XYLT1: variants seen among roughly 807,000 people sequenced by gnomAD.
XYLT1 encodes the protein beta-D-xylosyltransferase 1.
A neutral mutation model predicts 91.3 loss-of-function variants in XYLT1; 36 were observed. The ratio of observed to expected loss-of-function variants is 0.39; its 90% confidence interval spans 0.30 to 0.52. The LOEUF (loss-of-function observed/expected upper bound fraction) is 0.52, where lower values mean the gene tolerates loss of function less well. Ranked by LOEUF, XYLT1 falls within the 20% of genes least tolerant of loss-of-function variation. XYLT1 has a pLI of 0.68. For missense variants in XYLT1, 1,242 were observed against 1,284.5 expected, an observed-to-expected ratio of 0.97 and a Z score of 0.51; for synonymous variants, 588 against 532.0, an observed-to-expected ratio of 1.11 and a Z score of -1.45.
intron 1 of XYLT1, among the ~76,000 whole-genome samples, chr16:17,440,934 G>A (rs141241463): frequency 6.6e-5 from 10 of 152,136 alleles, no homozygotes; most frequent in East Asian, 1.9e-4. Flanking sequence ...GCATGGTACC[G>A]ACCCTCATCT....
intron 10 of XYLT1, among the ~76,000 whole-genome samples, chr16:17,118,689 A>T (rs927828410): frequency 6.6e-6 from 1 of 151,918 alleles, no homozygotes; most frequent in Non-Finnish European, 1.5e-5. Flanking sequence ...GCCACCTGCA[A>T]TTTCTTCTAT....
intron 5 of XYLT1, among the ~76,000 whole-genome samples, chr16:17,167,817 G>A (rs752658329): frequency 2.6e-4 from 40 of 151,726 alleles, no homozygotes; most frequent in Non-Finnish European, 4.6e-4. Context: ...TCCATCTCAT[G>A]CATGGATTCT....
At chr16:17,156,476 C>T (rs149510539) in intron 6 of XYLT1, among the ~76,000 whole-genome samples, 1 of 152,356 alleles carries the variant, frequency 6.6e-6, no homozygotes, top group African/African-American at 2.4e-5. Context: ...CAATTAACCA[C>T]CTCCATGGAA....
intron 2 of XYLT1, among the ~76,000 whole-genome samples, chr16:17,320,149 T>C (rs1208036442): frequency 6.6e-6 from 1 of 152,238 alleles, no homozygotes; most frequent in Non-Finnish European, 1.5e-5. Context: ...GATATATGTA[T>C]TGTTTGTTTC....
At chr16:17,338,897 C>A (rs1043695717) in intron 2 of XYLT1, among the ~76,000 whole-genome samples, 8 of 152,178 alleles carry the variant, frequency 5.3e-5, no homozygotes, top group Admixed American at 5.2e-4. Context: ...GGCAACAGCT[C>A]CTCCAGGAAG....
At chr16:17,185,024 T>C (rs2032153701) in intron 5 of XYLT1, among the ~76,000 whole-genome samples, 1 of 152,212 alleles carries the variant, frequency 6.6e-6, no homozygotes, top group Admixed American at 6.5e-5. Flanking sequence ...CATAGACCAC[T>C]CTTGGCTTTC....
chr16:17,295,033 G>T (rs929991377), intron 2 of XYLT1, among the ~76,000 whole-genome samples: 10 of 152,198 alleles, frequency 6.6e-5, no homozygotes, highest in Non-Finnish European at 1.0e-4. Flanking sequence ...AGAAGTCAGT[G>T]GTTAGGATGA....
chr16:17,219,837 T>G (rs1290160582), intron 3 of XYLT1, among the ~76,000 whole-genome samples: 1 of 152,104 alleles, frequency 6.6e-6, no homozygotes, highest in Non-Finnish European at 1.5e-5. Context: ...GAGACCAGCC[T>G]GATCAACATG....
intron 3 of XYLT1, among the ~76,000 whole-genome samples, chr16:17,252,378 C>G (rs2033555308): frequency 6.6e-6 from 1 of 152,112 alleles, no homozygotes; most frequent in Non-Finnish European, 1.5e-5. Context: ...TGACCTGGTT[C>G]ATTGCCCTGA....
chr16:17,356,495 CTG>C (rs1240301752), intron 2 of XYLT1, among the ~76,000 whole-genome samples: 8 of 152,078 alleles, frequency 5.3e-5, no homozygotes, highest in Non-Finnish European at 8.8e-5. Flanking sequence ...CACAAGGAAA[CTG>C]TGAAGATCTG....
At chr16:17,188,315 G>A (rs193299757) in intron 5 of XYLT1, among the ~76,000 whole-genome samples, 5 of 152,216 alleles carry the variant, frequency 3.3e-5, no homozygotes, top group Admixed American at 3.3e-4. Context: ...AAACCTCACC[G>A]CTCACAGACT....
At chr16:17,159,070 G>A (rs893647106) in intron 5 of XYLT1, among the ~76,000 whole-genome samples, 161 bp from the exon 6 acceptor site, 4 of 152,014 alleles carry the variant, frequency 2.6e-5, no homozygotes, top group Admixed American at 2.0e-4. Flanking sequence ...CCATTTTTAT[G>A]TCACCATCAC....
chr16:17,350,718 G>A (rs1029322670), intron 2 of XYLT1, among the ~76,000 whole-genome samples: 1 of 152,176 alleles, frequency 6.6e-6, no homozygotes, highest in Non-Finnish European at 1.5e-5. Flanking sequence ...GAATTAATGG[G>A]CTGGAGACTC....
At chr16:17,166,880 G>A (rs563645733) in intron 5 of XYLT1, among the ~76,000 whole-genome samples, 3 of 152,086 alleles carry the variant, frequency 2.0e-5, no homozygotes, top group South Asian at 2.1e-4. Context: ...TCCTCCCTAC[G>A]TCTTTGCCCA....
intron 1 of XYLT1, among the ~76,000 whole-genome samples, chr16:17,420,818 C>A (rs568368645): frequency 6.6e-6 from 1 of 152,284 alleles, no homozygotes; most frequent in Admixed American, 6.5e-5. Context: ...AAAATTCCAA[C>A]CAAAAACATC....
rs1471080582 is a variant in XYLT1 at position 17,423,829 on chromosome 16, TGGTCTC to T, written c.363+46599_363+46604del. ...CGGGGTTTTACCATGTTGGCCAGGATGGTCTCGATCCCTTGACCTGGTGATCTCCCT... is the reference window on the plus strand; with the variant it reads ...CGGGGTTTTACCATGTTGGCCAGGATGATCCCTTGACCTGGTGATCTCCCT... On this transcript the variant is annotated intron_variant, in intron 1 of 11. Coordinates refer to ENST00000261381, the MANE Select transcript of XYLT1 (RefSeq NM_022166.4). Among the ~76,000 whole-genome samples, 3 of 152,268 alleles carry T rather than the reference TGGTCTC, an allele frequency of 2.0e-5. No homozygotes were observed. The East Asian group carries it at 5.8e-4, about 29-fold the overall frequency.
At chr16:17,457,228 A>AC (rs1255350782) in intron 1 of XYLT1, among the ~76,000 whole-genome samples, 1 of 152,160 alleles carries the variant, frequency 6.6e-6, no homozygotes, top group Non-Finnish European at 1.5e-5. Flanking sequence ...GAGGAAGAGG[A>AC]CCCTATGCTG....
At chr16:17,344,216 C>T (rs965614636) in intron 2 of XYLT1, among the ~76,000 whole-genome samples, 13 of 151,606 alleles carry the variant, frequency 8.6e-5, no homozygotes, top group Admixed American at 7.9e-4. Flanking sequence ...TGTCCCAGGC[C>T]GGGTGCCTGT....
At chr16:17,284,511 G>C (rs777577487) in intron 2 of XYLT1, among the ~76,000 whole-genome samples, 3 of 152,196 alleles carry the variant, frequency 2.0e-5, no homozygotes, top group African/African-American at 4.8e-5. Flanking sequence ...ATTTCAGATG[G>C]GGTCAGGTAG....
Sources: allele counts gnomAD v4.1 joint callset (sites outside exome capture counted in the v4.1 genomes callset), GRCh38; gene constraint gnomAD v4.1.1; transcripts MANE v1.5; gene names NCBI Gene and HGNC (gene_info 2026-07-23, HGNC 2026-07-21).